The following PSD variants were observed in gnomAD, a reference collection of about 807,000 sequenced individuals.
The protein encoded by PSD is PH and SEC7 domain-containing protein 1.
In PSD, 32 loss-of-function variants were observed where a neutral mutation model predicts 91.6. That is an observed-to-expected ratio of 0.35 (90% CI 0.26 to 0.47). The LOEUF (loss-of-function observed/expected upper bound fraction) is 0.47, where lower values mean the gene tolerates loss of function less well. Ranked by LOEUF, PSD falls within the 20% of genes least tolerant of loss-of-function variation. The pLI is 1.00. For missense variants in PSD, 1,099 were observed against 1,373.9 expected, an observed-to-expected ratio of 0.80 and a Z score of 3.16; for synonymous variants, 532 against 569.3, an observed-to-expected ratio of 0.93 and a Z score of 0.93.
chr10:102,411,395 G>A (rs1039122856), intron 8 of PSD, among the ~76,000 whole-genome samples: 1 of 152,122 alleles, frequency 6.6e-6, no homozygotes, highest in Non-Finnish European at 1.5e-5. Context: ...AAAGTGAACC[G>A]CAGCACAGTC....
intron 11 of PSD, among the ~76,000 whole-genome samples, 173 bp downstream of exon 11, chr10:102,407,050 C>G (rs938414591): frequency 7.2e-5 from 11 of 152,122 alleles, no homozygotes; most frequent in Non-Finnish European, 1.2e-4. Flanking sequence ...TACAGAACCC[C>G]AAATCCAGGC....
Position 102,414,817 on chromosome 10 carries a change from C to T in PSD, c.1124+46G>A, listed in dbSNP as rs1188341184. 6.7e-7 allele frequency: 1 copy of T among 1,486,026 alleles called. No individual in the cohort carries two copies. Among genetic ancestry groups the T allele is most frequent in the South Asian group, 1.4e-5 (1 of 72,584 alleles). 92.1% of individuals were successfully genotyped at this position (1,486,026 alleles called of 1,614,324 possible). A position where few individuals can be genotyped will look rare whatever the true frequency, so the allele number is the denominator to read the frequency against. On this transcript the variant is annotated intron_variant, in intron 4 of 16. Coordinates refer to ENST00000020673, the MANE Select transcript of PSD (RefSeq NM_002779.5). The surrounding 1 kb of genome is among the most constrained non-coding windows in gnomAD (Gnocchi z 5.6). ...CTGCCTGTGGGCCAGTGCGAAGGAGCAAGCCGCTTCCCTCTCCCACTTCCC... is the reference window on the plus strand; with the variant it reads ...CTGCCTGTGGGCCAGTGCGAAGGAGTAAGCCGCTTCCCTCTCCCACTTCCC...
At chr10:102,417,256 T>C (rs1352971957) in intron 1 of PSD, 135 bp from the exon 2 acceptor site, 5 of 541,664 alleles carry the variant, frequency 9.2e-6, no homozygotes, top group East Asian at 3.3e-5. Context: ...TATGGGATCA[T>C]TGATCCCACG....
rs138645020 is a variant in PSD, at chr10:102,414,103, C to G, written c.1219G>C (p.Glu407Gln). The change falls in exon 5 of 17, where the codon GAA (glutamate) becomes CAA (glutamine). Residue 407 changes from glutamate (E) to glutamine (Q), a missense_variant. Glu to Gln is a conservative substitution (Grantham distance 29). Transcript: ENST00000020673. This position sits in a 1 kb window ranked among gnomAD's most constrained non-coding sequence, Gnocchi z 5.6. ...GCCCGGTGTGACTCCAGGATGGCTTCGAACACACAACTGAAAGAGTCAGGC... is the reference window on the plus strand; with the variant it reads ...GCCCGGTGTGACTCCAGGATGGCTTGGAACACACAACTGAAAGAGTCAGGC... ...DGPDSFSCVF[E>Q]AILESHRAKG... 1 of 1,614,080 alleles carries G rather than the reference C, an allele frequency of 6.2e-7. No homozygotes were observed. The highest frequency in any genetic ancestry group is 8.5e-7 in the Non-Finnish European group (1 of 1,179,974).
chr10:102,411,793 A>G lies in PSD; in HGVS notation c.1856T>C (p.Met619Thr), dbSNP rs760254495. 1 of 1,613,376 alleles carries G rather than the reference A, an allele frequency of 6.2e-7. No homozygotes were observed. Among genetic ancestry groups the G allele is most frequent in the African/African-American group, 1.3e-5 (1 of 75,038 alleles). ...GCGCTCTCGTTCCTGGGTCTCACCC[A>G]TTAAGGCCAGCTCCTTCAGAAACAC... Reference protein sequence around the residue: ...LRVFLKELALMGETQERERVL... With the variant: ...LRVFLKELALTGETQERERVL... The change falls in exon 8 of 17, where the codon ATG becomes ACG. Residue 619 changes from methionine to threonine, a missense_variant. Physicochemically the swap from Met to Thr is moderately conservative, Grantham distance 81 (BLOSUM62 -1). Around this residue, in one of 3 missense-constraint regions of PSD, gnomAD observed 110 missense variants for 218.7 expected, o/e 0.50. Transcript: ENST00000020673.
chr10:102,413,652 C>T (rs2061445466), intron 5 of PSD, 117 bp downstream of exon 5: 5 of 1,078,462 alleles, frequency 4.6e-6, no homozygotes, highest in Admixed American at 2.4e-5. Flanking sequence ...CCCTTAACCA[C>T]CCCTACTCAG....
chr10:102,403,701 T>C lies in PSD; in HGVS notation c.2844+141A>G, dbSNP rs2061315287. The C allele has an allele frequency of 1.7e-6, 2 of 1,157,738 alleles. No homozygotes were observed. The highest frequency in any genetic ancestry group is 2.4e-6 in the Non-Finnish European group (2 of 840,130). The allele number at this position is 1,157,738 out of a possible 1,614,324, so 71.7% of individuals were successfully genotyped here. A position where few individuals can be genotyped will look rare whatever the true frequency, so the allele number is the denominator to read the frequency against. On this transcript the variant is annotated intron_variant, in intron 16 of 16. Coordinates refer to ENST00000020673, the MANE Select transcript of PSD (RefSeq NM_002779.5). The surrounding 1 kb of genome is among the most constrained non-coding windows in gnomAD (Gnocchi z 6.7). Reference sequence around the variant, plus strand: ...CCCCAGTGGATGTCAAATGTTATCCTTGTTGCACAGAGGAGGAAACTGAGG... The same window carrying C: ...CCCCAGTGGATGTCAAATGTTATCCCTGTTGCACAGAGGAGGAAACTGAGG...
intron 11 of PSD, among the ~76,000 whole-genome samples, chr10:102,406,692 G>A (rs1318009740): frequency 7.2e-5 from 11 of 152,082 alleles, no homozygotes; most frequent in African/African-American, 2.2e-4. Flanking sequence ...TGTTTTTAGT[G>A]GAGACGGTTT....
At chr10:102,408,459 A>G (rs1294236937) in intron 10 of PSD, among the ~76,000 whole-genome samples, 1 of 151,830 alleles carries the variant, frequency 6.6e-6, no homozygotes, top group Non-Finnish European at 1.5e-5. Flanking sequence ...CAACACATAG[A>G]CCTTCCAGCA....
Position 102,409,171 on chromosome 10 carries a change from G to A in PSD, c.2091+1687C>T. 2 of 980,870 alleles carry A rather than the reference G, an allele frequency of 2.0e-6. No individual in the cohort carries two copies. Among genetic ancestry groups the A allele is most frequent in the Non-Finnish European group, 2.4e-6 (2 of 828,280 alleles). 60.8% of individuals were successfully genotyped at this position (980,870 alleles called of 1,614,324 possible). A position where few individuals can be genotyped will look rare whatever the true frequency, so the allele number is the denominator to read the frequency against. On this transcript the variant is annotated intron_variant, in intron 10 of 16. Coordinates refer to ENST00000020673, the MANE Select transcript of PSD (RefSeq NM_002779.5). The surrounding 1 kb of genome is among the most constrained non-coding windows in gnomAD (Gnocchi z 5.7). ...CCCCCGGGCCGCCCGGACGGCCCGC[G>A]GACCGCTCCCCCGACAGCCAGCGCG...
rs1034043944 is a variant in PSD at position 102,405,741 on chromosome 10, C to T, written c.2136-205G>A. On this transcript the variant is annotated intron_variant, in intron 11 of 16. Transcript: ENST00000020673. The surrounding 1 kb of genome is among the most constrained non-coding windows in gnomAD (Gnocchi z 5.4). ...TCAGAGCAGGGCACCTCCCTCAGAG[C>T]TCCCCAGCCTAGAGCCACCACTGTC... The T allele has an allele frequency of 5.1e-6, 3 of 583,632 alleles. No homozygotes were observed. The highest frequency in any genetic ancestry group is 9.1e-6 in the Non-Finnish European group (3 of 328,372). 36.2% of individuals were successfully genotyped at this position (583,632 alleles called of 1,614,324 possible). A position where few individuals can be genotyped will look rare whatever the true frequency, so the allele number is the denominator to read the frequency against.
In PSD at chr10:102,410,599, C is replaced by A. The variant is rs73349025; in HGVS notation, c.2091+259G>T. Among the ~76,000 whole-genome samples, 892 of 152,336 alleles carry A rather than the reference C, an allele frequency of 5.9e-3. 14 individuals are homozygous for A. The highest frequency in any genetic ancestry group is 0.019 in the African/African-American group (810 of 41,586). The stretch of plus-strand genomic sequence containing the variant: ...AACGCAGGGGCCGGGGCCGCCTGCT[C>A]GCGTTTTCCAGAGCCGGGTCCCCTC... On this transcript the variant is annotated intron_variant, in intron 10 of 16. Coordinates refer to ENST00000020673, the MANE Select transcript of PSD (RefSeq NM_002779.5). The surrounding 1 kb of genome is among the most constrained non-coding windows in gnomAD (Gnocchi z 6.0).
At chr10:102,417,547 G>GT (rs1477871946) in intron 1 of PSD, among the ~76,000 whole-genome samples, 1 of 152,048 alleles carries the variant, frequency 6.6e-6, no homozygotes, top group African/African-American at 2.4e-5. Flanking sequence ...CCTCACTCAG[G>GT]GAAGGGAAAC....
chr10:102,404,020 C>G lies in PSD; in HGVS notation c.2701-35G>C. The G allele has an allele frequency of 6.6e-7, 1 of 1,510,300 alleles. No individual in the cohort carries two copies. Among genetic ancestry groups the G allele is most frequent in the Non-Finnish European group, 8.9e-7 (1 of 1,127,232 alleles). 93.6% of individuals were successfully genotyped at this position (1,510,300 alleles called of 1,614,324 possible). Reference sequence around the variant, plus strand: ...AGGGGGAGGCATGGTCATGGTCACTCTGCCCTATACAGTGCCTCTGCAGAT... The same window carrying G: ...AGGGGGAGGCATGGTCATGGTCACTGTGCCCTATACAGTGCCTCTGCAGAT... On this transcript the variant is annotated intron_variant, in intron 15 of 16. Coordinates refer to ENST00000020673, the MANE Select transcript of PSD (RefSeq NM_002779.5). The surrounding 1 kb of genome is among the most constrained non-coding windows in gnomAD (Gnocchi z 5.7).
chr10:102,413,346 C>T (rs1228611880), intron 5 of PSD, among the ~76,000 whole-genome samples: 2 of 152,148 alleles, frequency 1.3e-5, no homozygotes, highest in Non-Finnish European at 2.9e-5. Flanking sequence ...CGAGAGATGC[C>T]TGATTAGGCA....
Position 102,403,446 on chromosome 10 carries a change from AG to A in PSD, c.2845-17del, listed in dbSNP as rs747112415. The A allele has an allele frequency of 2.9e-5, 46 of 1,587,832 alleles. No individual in the cohort carries two copies. The Middle Eastern group carries it at 1.2e-3, about 40-fold the overall frequency. On this transcript the variant is annotated splice_polypyrimidine_tract_variant and intron_variant, in intron 16 of 16. Coordinates refer to ENST00000020673, the MANE Select transcript of PSD (RefSeq NM_002779.5). This position sits in a 1 kb window ranked among gnomAD's most constrained non-coding sequence, Gnocchi z 6.7. Reference sequence around the variant, plus strand: ...AGCGGGATTTCTGAGGCAGAGGGGCAGGGGCTGTGAGAGCCTCTTCTCTGCC... The same window carrying A: ...AGCGGGATTTCTGAGGCAGAGGGGCAGGGCTGTGAGAGCCTCTTCTCTGCC...
Position 102,403,810 on chromosome 10 carries a change from G to C in PSD, c.2844+32C>G. 1 of 1,600,448 alleles carries C rather than the reference G, an allele frequency of 6.2e-7. No individual in the cohort carries two copies. Among genetic ancestry groups the C allele is most frequent in the Non-Finnish European group, 8.5e-7 (1 of 1,172,018 alleles). ...CCTTCACCCTAGTATGGGCCTGCGT[G>C]TGTGGACAGAGGGGCAGACAGGGAG... On this transcript the variant is annotated intron_variant, in intron 16 of 16. Transcript: ENST00000020673. The surrounding 1 kb of genome is among the most constrained non-coding windows in gnomAD (Gnocchi z 6.7).
rs765520657 is a variant in PSD at position 102,411,064 on chromosome 10, G to A, written c.1995C>T (p.His665=). Residue 665 remains histidine, a synonymous_variant, in exon 9 of 17, where the codon CAC becomes CAT. Coordinates refer to ENST00000020673, the MANE Select transcript of PSD (RefSeq NM_002779.5). ...CCCGCCCGCCTCCACTCACATGGCC[G>A]TGGAGATCCGTGTTGAGCAGCATGA... ...CALMLLNTDL[H]GHNIGKRMTC... 7 of 1,613,120 alleles carry A rather than the reference G, an allele frequency of 4.3e-6. No homozygotes were observed. In the South Asian group the frequency reaches 6.6e-5, roughly 15 times the overall value.
chr10:102,417,718 T>C (rs1589896530), intron 1 of PSD, among the ~76,000 whole-genome samples: 1 of 150,938 alleles, frequency 6.6e-6, no homozygotes. Context: ...TTTTTTTTTT[T>C]TTTTTTTGAG....
Sources: allele counts gnomAD v4.1 joint callset (sites outside exome capture counted in the v4.1 genomes callset), GRCh38; gene constraint gnomAD v4.1.1; regional missense constraint gnomAD v4.1.1; non-coding constraint Gnocchi (gnomAD v3.1); transcripts MANE v1.5; gene names NCBI Gene and HGNC (gene_info 2026-07-23, HGNC 2026-07-21).